The following PAPPA2 variants were observed in gnomAD, a reference collection of about 807,000 sequenced individuals.
The protein encoded by PAPPA2 is pappalysin-2.
A neutral mutation model predicts 176.4 loss-of-function variants in PAPPA2; 86 were observed. The ratio of observed to expected loss-of-function variants is 0.49; its 90% CI spans 0.41 to 0.58. The LOEUF (loss-of-function observed/expected upper bound fraction) is 0.58, where lower values mean the gene tolerates loss of function less well. Ranked by LOEUF, PAPPA2 falls within the 20% of genes least tolerant of loss-of-function variation. PAPPA2 has a pLI of 0.00. For missense variants in PAPPA2, 2,073 were observed against 2,256.9 expected (o/e 0.92, Z 1.65); for synonymous variants, 809 against 852.2 (o/e 0.95, Z 0.88).
intron 1 of PAPPA2, among the ~76,000 whole-genome samples, chr1:176,466,243 C>T (rs1479102444): frequency 6.6e-6 from 1 of 152,082 alleles, no homozygotes; most frequent in East Asian, 1.9e-4. Context: ...GGAAAAATTG[C>T]TGCAAAGGCC....
chr1:176,702,468 G>C, intron 8 of PAPPA2, 139 bp from the exon 9 acceptor site: 1 of 1,279,984 alleles, frequency 7.8e-7, no homozygotes, highest in Non-Finnish European at 1.1e-6. Context: ...CCTGATCTTT[G>C]TTTTAGACAA....
intron 3 of PAPPA2, among the ~76,000 whole-genome samples, chr1:176,633,639 C>T (rs1016068887): frequency 6.6e-6 from 1 of 151,918 alleles, no homozygotes; most frequent in Non-Finnish European, 1.5e-5. Context: ...AAGTGATAGT[C>T]TCCATCAGAG....
chr1:176,719,209 GATTTT>G (rs1661509022), intron 12 of PAPPA2, among the ~76,000 whole-genome samples: 1 of 148,382 alleles, frequency 6.7e-6, no homozygotes, highest in Non-Finnish European at 1.5e-5. Context: ...ATATCTAAAA[GATTTT>G]TTTTTTTTGC....
At chr1:176,760,619 C>T (rs1056371799) in intron 14 of PAPPA2, among the ~76,000 whole-genome samples, 1 of 152,164 alleles carries the variant, frequency 6.6e-6, no homozygotes, top group Non-Finnish European at 1.5e-5. Flanking sequence ...AAGAGGGCCA[C>T]TCTTAGAGGC....
In PAPPA2 at chr1:176,692,266, A is replaced by C; in HGVS notation, c.2572A>C (p.Lys858Gln). 6.2e-7 allele frequency: 1 copy of C among 1,614,042 alleles called. No individual in the cohort carries two copies. Among genetic ancestry groups the C allele is most frequent in the Non-Finnish European group, 8.5e-7 (1 of 1,179,926 alleles). The change falls in exon 6 of 23, where the codon AAG becomes CAG. Residue 858 changes from lysine (K) to glutamine (Q), a missense_variant. By Grantham distance (53) the Lys-to-Gln change is moderately conservative (BLOSUM62 1). This residue lies in a region of PAPPA2 where 1,196 missense variants were observed against 1,330.4 expected (regional missense o/e 0.90). Coordinates refer to ENST00000367662, the MANE Select transcript of PAPPA2 (RefSeq NM_020318.3). The part of the protein sequence containing the change: ...IPPMVIGQTN[K>Q]SLTIHWLPPI... ...ACCTATGGTCATCGGACAGACCAAC[A>C]AGTCCCTCACTATCCACTGGCTGCC... is the stretch of plus-strand genomic sequence containing the variant.
chr1:176,574,984 T>G (rs1048076717), intron 2 of PAPPA2, among the ~76,000 whole-genome samples: 11 of 152,206 alleles, frequency 7.2e-5, no homozygotes, highest in African/African-American at 2.7e-4. Flanking sequence ...CACTCTATGA[T>G]GTTCACACAA....
chr1:176,592,282 TAGAG>T (rs1396753647), intron 2 of PAPPA2, among the ~76,000 whole-genome samples: 3 of 152,138 alleles, frequency 2.0e-5, no homozygotes, highest in Non-Finnish European at 2.9e-5. Flanking sequence ...CTTAATAAAT[TAGAG>T]AGCAAATAAT....
intron 14 of PAPPA2, among the ~76,000 whole-genome samples, chr1:176,758,140 C>T (rs915565184): frequency 2.0e-5 from 3 of 152,168 alleles, no homozygotes; most frequent in Non-Finnish European, 2.9e-5. Flanking sequence ...AGGAAGAATC[C>T]GAATTACTGC....
chr1:176,655,432 G>T (rs1657979140), intron 3 of PAPPA2, among the ~76,000 whole-genome samples: 2 of 151,682 alleles, frequency 1.3e-5, no homozygotes, highest in Non-Finnish European at 2.9e-5. Flanking sequence ...AAAAATAAAA[G>T]AAACCCCAAA....
At position 176,761,068 on chromosome 1, in the gene PAPPA2, G is replaced by T. The variant is rs532254292; in HGVS notation, c.4152-4598G>T. ...GATCTCCTGACCTCGTGATCCGCCC[G>T]CCTCGGCCTCCCAAAGTGCTGGTAT... On this transcript the variant is annotated intron_variant, in intron 14 of 22. Coordinates refer to ENST00000367662, the MANE Select transcript of PAPPA2 (RefSeq NM_020318.3). Among the ~76,000 whole-genome samples the T allele has an allele frequency of 3.9e-5, 6 of 152,122 alleles. No individual in the cohort carries two copies. In the East Asian group the frequency reaches 9.7e-4, roughly 25 times the overall value.
rs376458121 is a variant in PAPPA2 at position 176,740,170 on chromosome 1, C to T, written c.4125C>T (p.Asp1375=). 1.5e-4 allele frequency: 247 copies of T among 1,613,608 alleles called. No homozygotes were observed. In the African/African-American group the frequency reaches 1.7e-3, roughly 11 times the overall value. ...LSAPSNCISE[D]EGQNHQGQSC... ...CTCCCAGTAACTGCATCTCAGAGGA[C>T]GAGGGGCAGAATCATCAGGGACAGA... is the stretch of plus-strand genomic sequence containing the variant. Residue 1375 remains aspartate, a synonymous_variant, in exon 14 of 23, where the codon GAC becomes GAT. Coordinates refer to ENST00000367662, the MANE Select transcript of PAPPA2 (RefSeq NM_020318.3).
chr1:176,652,885 C>A (rs934030200), intron 3 of PAPPA2, among the ~76,000 whole-genome samples: 11 of 151,802 alleles, frequency 7.2e-5, no homozygotes, highest in Non-Finnish European at 1.5e-4. Flanking sequence ...GAGTCCAATT[C>A]TCACTTCTCT....
intron 3 of PAPPA2, chr1:176,616,859 A>G (rs1294027965): frequency 2.0e-6 from 1 of 505,560 alleles, no homozygotes; most frequent in Non-Finnish European, 3.6e-6. Flanking sequence ...AAATGATTCA[A>G]AGAAACTGAA....
chr1:176,790,900 C>T (rs565691444), intron 18 of PAPPA2, among the ~76,000 whole-genome samples: 4 of 152,242 alleles, frequency 2.6e-5, no homozygotes, highest in Admixed American at 1.3e-4. Flanking sequence ...GGCAAAAACA[C>T]ACCTTTAGGA....
intron 3 of PAPPA2, among the ~76,000 whole-genome samples, chr1:176,619,198 A>G (rs913392450): frequency 6.6e-6 from 1 of 152,218 alleles, no homozygotes; most frequent in African/African-American, 2.4e-5. Context: ...ACAATATCCC[A>G]TTAGTACCAT....
At chr1:176,576,372 C>A (rs904274159) in intron 2 of PAPPA2, among the ~76,000 whole-genome samples, 2 of 151,974 alleles carry the variant, frequency 1.3e-5, no homozygotes, top group Non-Finnish European at 2.9e-5. Flanking sequence ...GTCTTTCCAC[C>A]CTTTACTTTT....
intron 3 of PAPPA2, among the ~76,000 whole-genome samples, chr1:176,610,746 C>A (rs1479840918): frequency 6.6e-6 from 1 of 152,160 alleles, no homozygotes; most frequent in African/African-American, 2.4e-5. Context: ...TTTTCACTTT[C>A]CTCTGCTTTG....
chr1:176,623,808 T>TTTCC (rs1655844675), intron 3 of PAPPA2, among the ~76,000 whole-genome samples: 1 of 32,436 alleles, frequency 3.1e-5, no homozygotes, highest in Non-Finnish European at 7.0e-5. Flanking sequence ...TCTTTCTTTC[T>TTTCC]TCTTTCTTTC....
chr1:176,573,588 C>G (rs538985121), intron 2 of PAPPA2, among the ~76,000 whole-genome samples: 1 of 152,286 alleles, frequency 6.6e-6, no homozygotes, highest in African/African-American at 2.4e-5. Context: ...CTTTCTCTCT[C>G]TCTGTCTCTC....
Sources: allele counts gnomAD v4.1 joint callset (sites outside exome capture counted in the v4.1 genomes callset), GRCh38; gene constraint gnomAD v4.1.1; regional missense constraint gnomAD v4.1.1; transcripts MANE v1.5; gene names NCBI Gene and HGNC (gene_info 2026-07-23, HGNC 2026-07-21).